Variants in AVEN observed in about 807,000 individuals in gnomAD.
AVEN encodes apoptosis and caspase activation inhibitor, also known as cell death regulator Aven.
AVEN carries 41 observed loss-of-function variants against 38.1 expected under a neutral mutation model. The observed-to-expected ratio is 1.08, with a 90% confidence interval of 0.84 to 1.40. The LOEUF (loss-of-function observed/expected upper bound fraction) is 1.40. Ranked by LOEUF, AVEN falls within the 40% of genes most tolerant of loss-of-function variation. The pLI, the probability that AVEN is intolerant of heterozygous loss-of-function variation, is 0.00. For missense variants in AVEN, 605 were observed against 438.8 expected (o/e 1.38, Z -3.38); for synonymous variants, 206 against 171.8 (o/e 1.20, Z -1.56).
At chr15:34,049,003 G>GA (rs1899831058) in intron 5 of AVEN, among the ~76,000 whole-genome samples, 1 of 152,032 alleles carries the variant, frequency 6.6e-6, no homozygotes, top group African/African-American at 2.4e-5. Flanking sequence ...CAAACAAACA[G>GA]AAAACAACAA....
intron 2 of AVEN, among the ~76,000 whole-genome samples, chr15:33,913,060 T>C (rs1295920007): frequency 6.6e-6 from 1 of 152,096 alleles, no homozygotes; most frequent in Non-Finnish European, 1.5e-5. Context: ...CAGCTAATTT[T>C]GTATTTTTCG....
chr15:33,871,117 G>A (rs567523014), intron 3 of AVEN, 87 bp from the exon 4 acceptor site: 5 of 863,232 alleles, frequency 5.8e-6, no homozygotes, highest in Admixed American at 3.8e-5. Flanking sequence ...ATAATCCACT[G>A]GAGTTACATT....
intron 4 of AVEN, among the ~76,000 whole-genome samples, chr15:33,868,359 T>TAAAC (rs113504638): frequency 0.019 from 2,919 of 150,978 alleles, 38 homozygotes; most frequent in Middle Eastern, 0.048. Context: ...CTGTCTCTAC[T>TAAAC]AAACAAACAA....
intron 2 of AVEN, among the ~76,000 whole-genome samples, chr15:33,913,807 T>C (rs940827504): frequency 6.6e-6 from 1 of 152,202 alleles, no homozygotes; most frequent in Admixed American, 6.5e-5. Flanking sequence ...AAAAGTAGCC[T>C]TGAACCAATG....
At chr15:33,863,263 C>CGTATCAAACAGGATAA (rs898758495), downstream of AVEN, among the ~76,000 whole-genome samples, 9 of 152,054 alleles carry the variant, frequency 5.9e-5, no homozygotes, top group Non-Finnish European at 1.3e-4. Flanking sequence ...TCAGCCCCTA[C>CGTATCAAACAGGATAA]GTATCAAACA....
At chr15:33,853,563 C>G in the AVEN span, 8 of 1,613,530 alleles carry the variant, frequency 5.0e-6, no homozygotes, top group Non-Finnish European at 6.8e-6. Flanking sequence ...AGGTGATCAA[C>G]AAGTATGGAG....
At chr15:34,001,968 A>T (rs1349904981) in intron 2 of AVEN, among the ~76,000 whole-genome samples, 1 of 152,196 alleles carries the variant, frequency 6.6e-6, no homozygotes, top group South Asian at 2.1e-4. Context: ...TGCATCCTTT[A>T]TATCTTTTTA....
intron 2 of AVEN, among the ~76,000 whole-genome samples, chr15:33,888,938 A>G (rs1891822812): frequency 6.6e-6 from 1 of 151,870 alleles, no homozygotes; most frequent in South Asian, 2.1e-4. Flanking sequence ...GGATGGTCTC[A>G]ATTTCTTGAC....
At chr15:33,979,164 C>T (rs187257634) in intron 2 of AVEN, among the ~76,000 whole-genome samples, 51 of 151,380 alleles carry the variant, frequency 3.4e-4, no homozygotes, top group African/African-American at 1.3e-3. Context: ...AGAAGAGTCA[C>T]CTCGTAAACC....
chr15:33,878,117 G>C (rs1891326384), intron 2 of AVEN, among the ~76,000 whole-genome samples: 1 of 152,108 alleles, frequency 6.6e-6, no homozygotes, highest in African/African-American at 2.4e-5. Context: ...CAGTTATCAA[G>C]ATACCAATTT....
chr15:33,907,987 A>T (rs10152547), intron 2 of AVEN, among the ~76,000 whole-genome samples: 78,331 of 152,000 alleles, frequency 0.52, 21,716 homozygotes, highest in Middle Eastern at 0.63. Context: ...AAGTCAAAAG[A>T]CAAATGACAA....
chr15:33,871,075 T>C, intron 3 of AVEN, 45 bp from the exon 4 acceptor site: 2 of 1,219,880 alleles, frequency 1.6e-6, no homozygotes, highest in Non-Finnish European at 2.2e-6. Flanking sequence ...GTGATGATTA[T>C]GACCTTTTGG....
At chr15:33,872,079 C>A (rs1160959906) in intron 3 of AVEN, among the ~76,000 whole-genome samples, 2 of 152,184 alleles carry the variant, frequency 1.3e-5, no homozygotes, top group Admixed American at 6.5e-5. Context: ...CGACATCTGG[C>A]TGCAGACAGG....
At chr15:33,917,490 T>C (rs1204565360) in intron 2 of AVEN, among the ~76,000 whole-genome samples, 1 of 60,570 alleles carries the variant, frequency 1.7e-5, no homozygotes, top group East Asian at 4.0e-4. Flanking sequence ...GGATACTACA[T>C]ATATATACAC....
intron 1 of AVEN, among the ~76,000 whole-genome samples, chr15:34,029,095 C>T (rs1020611745): frequency 2.0e-5 from 3 of 152,030 alleles, no homozygotes; most frequent in African/African-American, 7.2e-5. Context: ...TGCTACCCAC[C>T]AGAGTAGACA....
At chr15:33,892,443 A>G (rs143495473) in intron 2 of AVEN, among the ~76,000 whole-genome samples, 124,464 of 151,920 alleles carry the variant, frequency 0.82, 55,086 homozygotes, top group Non-Finnish European at 0.98. Context: ...CTTTCTACAT[A>G]TGGCTAGCCA....
chr15:33,905,176 T>G (rs1490916578), intron 2 of AVEN, among the ~76,000 whole-genome samples: 1 of 148,416 alleles, frequency 6.7e-6, no homozygotes, highest in Non-Finnish European at 1.5e-5. Flanking sequence ...TCCCAACTAA[T>G]TAGGTGTTTA....
At chr15:33,926,507 C>T (rs888066212) in intron 2 of AVEN, among the ~76,000 whole-genome samples, 1 of 152,098 alleles carries the variant, frequency 6.6e-6, no homozygotes, top group Admixed American at 6.6e-5. Flanking sequence ...CCTCAGATTT[C>T]TCCTCTTTAA....
chr15:34,027,528 C>CAAAAAAAAAAAA (rs35780353), intron 1 of AVEN, among the ~76,000 whole-genome samples: 1 of 132,570 alleles, frequency 7.5e-6, no homozygotes, highest in Non-Finnish European at 1.6e-5. Context: ...GACTCTGTCT[C>CAAAAAAAAAAAA]AAAAAAAAAA....
Sources: gnomAD v4.1 joint callset for allele counts (sites outside exome capture counted in the v4.1 genomes callset) on GRCh38, gnomAD v4.1.1 for gene constraint, MANE v1.5 for transcripts, NCBI Gene and HGNC (gene_info 2026-07-23, HGNC 2026-07-21) for gene names.